The following NPAS3 variants were observed in gnomAD, a reference collection of about 807,000 sequenced individuals.
The protein encoded by NPAS3 is neuronal PAS domain-containing protein 3.
NPAS3 carries 14 observed loss-of-function variants against 73.1 expected under a neutral mutation model. The ratio of observed to expected loss-of-function variants is 0.19; its 90% confidence interval spans 0.13 to 0.30. The LOEUF is 0.30. Among genes scored for constraint, NPAS3 ranks in the 10% least tolerant of loss-of-function variants. NPAS3 has a pLI of 1.00. For missense variants in NPAS3, 1,096 were observed against 1,250.0 expected (o/e 0.88, Z 1.86); for synonymous variants, 620 against 541.5 (o/e 1.14, Z -2.01).
At chr14:33,162,265 A>G (rs1259553906) in intron 2 of NPAS3, among the ~76,000 whole-genome samples, 1 of 152,212 alleles carries the variant, frequency 6.6e-6, no homozygotes, top group Non-Finnish European at 1.5e-5. Flanking sequence ...CCATATCTAC[A>G]TTCAACAATT....
chr14:33,454,617 G>A (rs61581213), intron 4 of NPAS3, among the ~76,000 whole-genome samples: 18,270 of 152,170 alleles, frequency 0.12, 1,493 homozygotes, highest in African/African-American at 0.23. Context: ...TTGTAAGTAA[G>A]TATAGGCATG....
chr14:32,973,175 TC>T (rs1276001213), intron 1 of NPAS3, among the ~76,000 whole-genome samples: 3 of 152,178 alleles, frequency 2.0e-5, no homozygotes, highest in Admixed American at 1.3e-4. Context: ...AAGAGAAGAC[TC>T]TACATAAAAG....
intron 3 of NPAS3, among the ~76,000 whole-genome samples, chr14:33,313,053 C>T (rs1003658059): frequency 2.0e-5 from 3 of 151,876 alleles, no homozygotes; most frequent in Admixed American, 1.3e-4. Context: ...CATGAAGGCT[C>T]TTGTCATTTG....
intron 9 of NPAS3, chr14:33,780,634 G>C (rs921317119): frequency 2.2e-6 from 1 of 454,392 alleles, no homozygotes; most frequent in African/African-American, 2.0e-5. Context: ...TTTACAGCTT[G>C]AAGAAACACA....
chr14:33,218,323 C>G (rs1289288040), intron 3 of NPAS3, among the ~76,000 whole-genome samples: 1 of 152,130 alleles, frequency 6.6e-6, no homozygotes, highest in African/African-American at 2.4e-5. Context: ...CCCCGGCTCT[C>G]AAAAGTAGCT....
intron 4 of NPAS3, 57 bp downstream of exon 4, chr14:33,367,325 T>C: frequency 1.3e-6 from 1 of 757,460 alleles, no homozygotes. Flanking sequence ...AACCATATGT[T>C]TAGTCTTTTT....
intron 6 of NPAS3, among the ~76,000 whole-genome samples, chr14:33,714,831 G>A (rs957716894): frequency 3.3e-5 from 5 of 152,060 alleles, no homozygotes; most frequent in Admixed American, 6.5e-5. Context: ...AAAGGATGGG[G>A]CATTCTTAAA....
chr14:33,753,906 T>C (rs1182237704), intron 7 of NPAS3, among the ~76,000 whole-genome samples: 1 of 152,076 alleles, frequency 6.6e-6, no homozygotes, highest in East Asian at 1.9e-4. Flanking sequence ...CTCCCACAGT[T>C]CCCAGTGCCA....
chr14:32,977,049 C>CACACACACACAG (rs1340284660), intron 1 of NPAS3, among the ~76,000 whole-genome samples: 1 of 151,026 alleles, frequency 6.6e-6, no homozygotes, highest in Non-Finnish European at 1.5e-5. Flanking sequence ...GTCAAGGTAA[C>CACACACACACAG]ACACACACAC....
At chr14:33,572,782 T>C (rs1320177339) in intron 5 of NPAS3, among the ~76,000 whole-genome samples, 1 of 152,160 alleles carries the variant, frequency 6.6e-6, no homozygotes, top group Admixed American at 6.5e-5. Flanking sequence ...CCCTGCACTT[T>C]GGGAGGCCGA....
chr14:33,348,676 T>C lies in NPAS3; in HGVS notation c.386-18510T>C, dbSNP rs372377947. 8.3e-4 allele frequency among the ~76,000 whole-genome samples: 127 copies of C among 152,324 alleles called. 2 individuals carry two copies. The highest frequency in any genetic ancestry group is 3.0e-3 in the African/African-American group (123 of 41,574). ...TACAAAAGCTCCTTTGTTCACGTAG[T>C]AGTTCCAGTGTTTCCAGCCATTCCT... On this transcript the variant is annotated intron_variant, in intron 3 of 11. Transcript: ENST00000356141.
intron 2 of NPAS3, among the ~76,000 whole-genome samples, chr14:33,128,436 A>G (rs912024354): frequency 1.1e-4 from 16 of 152,280 alleles, no homozygotes; most frequent in African/African-American, 3.8e-4. Flanking sequence ...TGTTTGAAAT[A>G]GGGTGTTATG....
intron 2 of NPAS3, among the ~76,000 whole-genome samples, chr14:33,180,132 A>G (rs965628261): frequency 8.5e-5 from 13 of 152,186 alleles, no homozygotes; most frequent in African/African-American, 3.1e-4. Context: ...TTAACCCAAT[A>G]TATTTTATTT....
chr14:33,308,564 A>AC (rs1566782595), intron 3 of NPAS3, among the ~76,000 whole-genome samples: 7 of 56,148 alleles, frequency 1.2e-4, no homozygotes, highest in African/African-American at 2.7e-4. Context: ...ACATACATAC[A>AC]TTATATATAT....
At chr14:33,522,951 A>G (rs2053622118) in intron 4 of NPAS3, among the ~76,000 whole-genome samples, 1 of 152,110 alleles carries the variant, frequency 6.6e-6, no homozygotes, top group African/African-American at 2.4e-5. Context: ...TGTGTTTACT[A>G]ATTACGTCTG....
At chr14:33,505,952 T>C (rs962272097) in intron 4 of NPAS3, among the ~76,000 whole-genome samples, 2 of 152,000 alleles carry the variant, frequency 1.3e-5, no homozygotes, top group African/African-American at 4.8e-5. Flanking sequence ...ATCGCCTTTC[T>C]TTCTGTCAGA....
chr14:33,166,435 T>C (rs1482071102), intron 2 of NPAS3, among the ~76,000 whole-genome samples: 1 of 152,118 alleles, frequency 6.6e-6, no homozygotes, highest in Non-Finnish European at 1.5e-5. Context: ...CCACCCTGCC[T>C]TGAATTCACA....
At chr14:33,033,390 A>C (rs1343514540) in intron 1 of NPAS3, among the ~76,000 whole-genome samples, 1 of 152,030 alleles carries the variant, frequency 6.6e-6, no homozygotes, top group African/African-American at 2.4e-5. Flanking sequence ...GAGGCATGAG[A>C]ATTGCTTGAA....
At chr14:33,116,249 A>G (rs958155886) in intron 2 of NPAS3, among the ~76,000 whole-genome samples, 30 of 152,276 alleles carry the variant, frequency 2.0e-4, no homozygotes, top group African/African-American at 7.2e-4. Context: ...TTTAGAAGTT[A>G]AACAGTAAAC....
Sources: allele counts gnomAD v4.1 joint callset (sites outside exome capture counted in the v4.1 genomes callset), GRCh38; gene constraint gnomAD v4.1.1; transcripts MANE v1.5; gene names NCBI Gene and HGNC (gene_info 2026-07-23, HGNC 2026-07-21).